CACNA2D1: variants seen among roughly 807,000 people sequenced by gnomAD.
CACNA2D1 encodes calcium voltage-gated channel auxiliary subunit alpha2delta 1.
CACNA2D1 carries 53 observed loss-of-function variants against 171.5 expected under a neutral mutation model. That is an observed-to-expected ratio of 0.31 (90% CI 0.25 to 0.39). The LOEUF (loss-of-function observed/expected upper bound fraction) is 0.39. CACNA2D1 is among the 10% of genes least tolerant of loss of function. The pLI is 1.00. For missense variants in CACNA2D1, 903 were observed against 1,299.8 expected (o/e 0.69, Z 4.69); for synonymous variants, 442 against 443.1 (o/e 1.00, Z 0.03).
intron 1 of CACNA2D1, among the ~76,000 whole-genome samples, chr7:82,405,008 A>C (rs1826862620): frequency 6.6e-6 from 1 of 152,256 alleles, no homozygotes; most frequent in Non-Finnish European, 1.5e-5. Context: ...ATTGAGCTAG[A>C]ATGTTTCAAA....
intron 1 of CACNA2D1, among the ~76,000 whole-genome samples, chr7:82,422,471 T>A (rs1828798029): frequency 6.6e-6 from 1 of 152,188 alleles, no homozygotes; most frequent in Non-Finnish European, 1.5e-5. Context: ...GTATTCTTCT[T>A]GACCTGACAT....
chr7:82,200,774 A>G (rs1799335265), intron 3 of CACNA2D1, among the ~76,000 whole-genome samples: 1 of 152,228 alleles, frequency 6.6e-6, no homozygotes, highest in Non-Finnish European at 1.5e-5. Flanking sequence ...AGCACATTCC[A>G]GGAGAAATGA....
At chr7:82,334,473 A>G (rs1174166073) in intron 3 of CACNA2D1, among the ~76,000 whole-genome samples, 1 of 152,198 alleles carries the variant, frequency 6.6e-6, no homozygotes, top group Non-Finnish European at 1.5e-5. Context: ...ATTGAGATAC[A>G]TCCTCATAAA....
chr7:82,320,120 T>C (rs1815634999), intron 3 of CACNA2D1, among the ~76,000 whole-genome samples: 1 of 152,092 alleles, frequency 6.6e-6, no homozygotes, highest in African/African-American at 2.4e-5. Flanking sequence ...CCAACCAGCC[T>C]GTTAATTCTG....
rs73386029 is a variant in CACNA2D1 at position 82,407,123 on chromosome 7, A to C, written c.95+36242T>G. Among the ~76,000 whole-genome samples the C allele has an allele frequency of 6.8e-3, 1,032 of 152,336 alleles. 4 individuals are homozygous for C. Among genetic ancestry groups the C allele is most frequent in the African/African-American group, 0.024 (989 of 41,586 alleles). ...TAGACAAAGAGTTGCAGCACGGCTC[A>C]AATTAACAACTGCCTGACAGGTGTC... is the stretch of plus-strand genomic sequence containing the variant. On this transcript the variant is annotated intron_variant, in intron 1 of 38. Transcript: ENST00000356860.
At chr7:82,292,644 A>G (rs1424220447) in intron 3 of CACNA2D1, among the ~76,000 whole-genome samples, 1 of 152,056 alleles carries the variant, frequency 6.6e-6, no homozygotes, top group Non-Finnish European at 1.5e-5. Flanking sequence ...CTTTTTGACT[A>G]TTATTCCAAT....
At chr7:82,183,058 G>A (rs1797317776) in intron 3 of CACNA2D1, among the ~76,000 whole-genome samples, 1 of 150,830 alleles carries the variant, frequency 6.6e-6, no homozygotes, top group African/African-American at 2.4e-5. Flanking sequence ...AAAAAAGTGA[G>A]GCGCAGGAAG....
At chr7:82,329,220 G>A (rs1816995770) in intron 3 of CACNA2D1, among the ~76,000 whole-genome samples, 1 of 152,034 alleles carries the variant, frequency 6.6e-6, no homozygotes, top group Admixed American at 6.6e-5. Flanking sequence ...GAAAACATTT[G>A]TCATGTTCCT....
intron 3 of CACNA2D1, among the ~76,000 whole-genome samples, chr7:82,290,566 A>T (rs1204654649): frequency 6.7e-6 from 1 of 148,776 alleles, no homozygotes; most frequent in East Asian, 2.0e-4. Flanking sequence ...AATGAGTACT[A>T]CAGGTCGTAT....
chr7:81,987,754 T>C (rs150245596), intron 21 of CACNA2D1, among the ~76,000 whole-genome samples: 68 of 152,210 alleles, frequency 4.5e-4, no homozygotes, highest in African/African-American at 1.6e-3. Flanking sequence ...GGAAAGCGAA[T>C]GTGTGAGGAA....
intron 1 of CACNA2D1, among the ~76,000 whole-genome samples, chr7:82,420,853 A>C (rs531777181): frequency 4.8e-4 from 73 of 152,062 alleles, no homozygotes; most frequent in African/African-American, 1.7e-3. Flanking sequence ...ATAAGGCCAC[A>C]CCTTTCTCTA....
intron 38 of CACNA2D1, among the ~76,000 whole-genome samples, chr7:81,957,207 T>C (rs776828233): frequency 6.6e-6 from 1 of 152,140 alleles, no homozygotes; most frequent in Non-Finnish European, 1.5e-5. Context: ...TGTATATCTG[T>C]CTCTGTAATG....
rs1293760090 is a variant in CACNA2D1 at position 82,210,972 on chromosome 7, C to T, written c.295-40363G>A. On this transcript the variant is annotated intron_variant, in intron 3 of 38. Transcript: ENST00000356860. Reference sequence around the variant, plus strand: ...TACCTGAGGTTTTTTATGTGCTAGGCACTGTGTTAAGAGCTTTAAAAGGAT... The same window carrying T: ...TACCTGAGGTTTTTTATGTGCTAGGTACTGTGTTAAGAGCTTTAAAAGGAT... Among the ~76,000 whole-genome samples, 4 of 152,204 alleles carry T rather than the reference C, an allele frequency of 2.6e-5. No homozygotes were observed. In the East Asian group the frequency reaches 7.7e-4, roughly 29 times the overall value.
intron 6 of CACNA2D1, among the ~76,000 whole-genome samples, chr7:82,116,358 A>C (rs1468171610): frequency 6.6e-6 from 1 of 152,200 alleles, no homozygotes; most frequent in Non-Finnish European, 1.5e-5. Flanking sequence ...TCTCTAAAAA[A>C]CAACACCTGC....
intron 3 of CACNA2D1, among the ~76,000 whole-genome samples, chr7:82,268,274 A>C (rs1455219072): frequency 6.6e-6 from 1 of 152,202 alleles, no homozygotes; most frequent in Admixed American, 6.5e-5. Context: ...GTCTTTTTTA[A>C]AGGAAGTTTC....
At chr7:82,377,614 T>C (rs1823166902) in intron 1 of CACNA2D1, among the ~76,000 whole-genome samples, 1 of 152,190 alleles carries the variant, frequency 6.6e-6, no homozygotes, top group African/African-American at 2.4e-5. Flanking sequence ...GATTGGCCCA[T>C]GAATACTAAT....
At chr7:82,149,901 C>G (rs561282326) in intron 4 of CACNA2D1, among the ~76,000 whole-genome samples, 170 of 151,882 alleles carry the variant, frequency 1.1e-3, no homozygotes, top group Middle Eastern at 3.4e-3. Flanking sequence ...AGCTTGCAGT[C>G]AGCCGAGATC....
At chr7:82,273,618 G>C (rs777295063) in intron 3 of CACNA2D1, among the ~76,000 whole-genome samples, 10 of 152,078 alleles carry the variant, frequency 6.6e-5, no homozygotes, top group Non-Finnish European at 1.5e-4. Context: ...TACCCAAGTA[G>C]CTTTGACCAC....
Position 81,982,554 on chromosome 7 carries a change from C to T in CACNA2D1, c.1955+13G>A. The T allele has an allele frequency of 1.9e-6, 3 of 1,555,366 alleles. No homozygotes were observed. The highest frequency in any genetic ancestry group is 2.7e-6 in the Non-Finnish European group (3 of 1,126,868). On this transcript the variant is annotated intron_variant, in intron 24 of 38. Transcript: ENST00000356860. The stretch of plus-strand genomic sequence containing the variant: ...ACTGATAGAAGATGTATCAAAAATA[C>T]AACAAAACCAACCTTGGTGCTATGA...
Sources: allele counts gnomAD v4.1 joint callset (sites outside exome capture counted in the v4.1 genomes callset), GRCh38; gene constraint gnomAD v4.1.1; transcripts MANE v1.5; gene names NCBI Gene and HGNC (gene_info 2026-07-23, HGNC 2026-07-21).